Variants in AFF1 observed in about 807,000 individuals in gnomAD.
The protein encoded by AFF1 is ALF transcription elongation factor 1, also known as AF4/FMR2 family member 1.
In AFF1, 48 loss-of-function variants were observed where a neutral mutation model predicts 121.7. The ratio of observed to expected loss-of-function variants is 0.39; its 90% CI spans 0.31 to 0.50. The LOEUF (loss-of-function observed/expected upper bound fraction) is 0.50. AFF1 is among the 20% of genes least tolerant of loss of function. The probability of loss-of-function intolerance (pLI) is 0.76; values close to 1 mark genes in which losing one functional copy is unlikely to be tolerated. For synonymous variants in AFF1, 613 were observed against 563.0 expected (o/e 1.09, Z -1.26); for missense variants, 1,523 against 1,511.7 (o/e 1.01, Z -0.12).
At chr4:86,970,166 A>T (rs890194186) in intron 2 of AFF1, among the ~76,000 whole-genome samples, 1 of 152,026 alleles carries the variant, frequency 6.6e-6, no homozygotes, top group African/African-American at 2.4e-5. Context: ...TTTTCCCATA[A>T]TGTGCATATA....
intron 4 of AFF1, among the ~76,000 whole-genome samples, chr4:87,070,277 G>C (rs9992235): frequency 0.83 from 126,272 of 152,208 alleles, 52,655 homozygotes; most frequent in African/African-American, 0.92. Context: ...GCTGGGAGTA[G>C]AGGCGTGAGC....
intron 1 of AFF1, among the ~76,000 whole-genome samples, chr4:86,946,686 C>T (rs1225178487): frequency 1.3e-5 from 2 of 152,106 alleles, no homozygotes; most frequent in Non-Finnish European, 2.9e-5. Context: ...ACCCGGCCCA[C>T]TCTCTTTATT....
At position 87,126,153 on chromosome 4, in the gene AFF1, C is replaced by G. The variant is rs61734708; in HGVS notation, c.2628C>G (p.Pro876=). Residue 876 remains proline (P), a synonymous_variant, in exon 14 of 21, where the codon CCC becomes CCG. Transcript: ENST00000395146. ...SSKKEMLPPP[P]VSSSSQKPAK... ...AGAAGGAAATGCTCCCCCCGCCACCCGTGTCCTCGTCCTCCCAGAAGCCAG... is the reference window on the plus strand; with the variant it reads ...AGAAGGAAATGCTCCCCCCGCCACCGGTGTCCTCGTCCTCCCAGAAGCCAG... The G allele has an allele frequency of 1.9e-6, 3 of 1,614,048 alleles. No individual in the cohort carries two copies. Among genetic ancestry groups the G allele is most frequent in the East Asian group, 2.2e-5 (1 of 44,894 alleles).
At position 86,969,860 on chromosome 4, in the gene AFF1, G is replaced by A. The variant is rs1404080044; in HGVS notation, c.38+21289G>A. Reference sequence around the variant, plus strand: ...GCACCACTGCACTCTGGCCTGGGCGGAAGAGCGAGACTCCGTCTCAAAAAA... The same window carrying A: ...GCACCACTGCACTCTGGCCTGGGCGAAAGAGCGAGACTCCGTCTCAAAAAA... On this transcript the variant is annotated intron_variant, in intron 2 of 20. Transcript: ENST00000395146. 9.7e-5 allele frequency among the ~76,000 whole-genome samples: 7 copies of A among 72,354 alleles called. No individual in the cohort carries two copies. The South Asian group carries it at 3.4e-3, about 35-fold the overall frequency. 47.5% of individuals were successfully genotyped at this position (72,354 alleles called of 152,430 possible).
intron 4 of AFF1, among the ~76,000 whole-genome samples, chr4:87,069,816 ATTTTTT>A (rs751029258): frequency 1.6e-5 from 2 of 121,306 alleles, no homozygotes; most frequent in African/African-American, 6.4e-5. Flanking sequence ...ATCACTCAGG[ATTTTTT>A]TTTTTTTTTT....
chr4:86,941,481 A>C (rs897248337), intron 1 of AFF1, among the ~76,000 whole-genome samples: 5 of 152,150 alleles, frequency 3.3e-5, no homozygotes, highest in Non-Finnish European at 1.5e-5. Context: ...CAACGTGATG[A>C]AACCCCGTCT....
intron 2 of AFF1, among the ~76,000 whole-genome samples, chr4:87,040,691 T>A (rs1266320613): frequency 6.6e-6 from 1 of 151,504 alleles, no homozygotes; most frequent in Non-Finnish European, 1.5e-5. Flanking sequence ...TGCCTCAGCC[T>A]CCGTAGTAGC....
chr4:86,940,457 A>G (rs1033333166), intron 1 of AFF1, among the ~76,000 whole-genome samples: 3 of 152,198 alleles, frequency 2.0e-5, no homozygotes. Context: ...GCTGGAGTGC[A>G]GTGGTGCAAT....
chr4:86,947,827 T>TTG (rs1323387996), intron 1 of AFF1, among the ~76,000 whole-genome samples: 2 of 151,560 alleles, frequency 1.3e-5, no homozygotes, highest in Admixed American at 6.6e-5. Flanking sequence ...TTGTTTTTTT[T>TTG]TTGTTTTGAT....
At chr4:86,997,527 C>G (rs1216473898) in intron 2 of AFF1, among the ~76,000 whole-genome samples, 1 of 151,910 alleles carries the variant, frequency 6.6e-6, no homozygotes, top group Admixed American at 6.6e-5. Flanking sequence ...CTTTGGGAGG[C>G]CGAGGCAGGT....
intron 10 of AFF1, 142 bp downstream of exon 10, chr4:87,105,987 T>A (rs948735756): frequency 9.2e-7 from 1 of 1,090,094 alleles, no homozygotes; most frequent in Non-Finnish European, 1.3e-6. Flanking sequence ...AGTACCTGTT[T>A]AATATTTTGG....
In AFF1 at chr4:87,047,438, C is replaced by T. The variant is rs921182581; in HGVS notation, c.903C>T (p.Val301=). 6.2e-7 allele frequency: 1 copy of T among 1,614,168 alleles called. No homozygotes were observed. The highest frequency in any genetic ancestry group is 2.2e-5 in the East Asian group (1 of 44,890). ...TGCAGCAGAAGCCCACGGCTTATGT[C>T]CGGCCCATGGATGGTCAAGATCAGG... is the stretch of plus-strand genomic sequence containing the variant. The part of the protein sequence containing the change: ...VAMQQKPTAY[V]RPMDGQDQAP... The change falls in exon 4 of 21, where the codon GTC becomes GTT. Residue 301 remains valine, a synonymous_variant. Transcript: ENST00000395146.
At chr4:87,118,069 A>G (rs780625922) in intron 12 of AFF1, among the ~76,000 whole-genome samples, 13 of 152,244 alleles carry the variant, frequency 8.5e-5, no homozygotes, top group Non-Finnish European at 1.3e-4. Flanking sequence ...GCATATAGTC[A>G]GAGGAATAGA....
At chr4:87,087,929 A>G (rs543535757) in intron 5 of AFF1, among the ~76,000 whole-genome samples, 1 of 152,212 alleles carries the variant, frequency 6.6e-6, no homozygotes, top group Non-Finnish European at 1.5e-5. Context: ...AGTAAATAAA[A>G]CAGCAGGAAG....
rs77740217 is a variant in AFF1 at position 86,987,570 on chromosome 4, C to T, written c.38+38999C>T. On this transcript the variant is annotated intron_variant, in intron 2 of 20. Transcript: ENST00000395146. The stretch of plus-strand genomic sequence containing the variant: ...TCAGTAGGTGATAACTGATTAATAC[C>T]CATGTGGAAACCAGAAGCAATAACC... Among the ~76,000 whole-genome samples, 1,126 of 152,210 alleles carry T rather than the reference C, an allele frequency of 7.4e-3. 17 individuals are homozygous for T. The highest frequency in any genetic ancestry group is 0.025 in the African/African-American group (1,059 of 41,532).
At chr4:86,972,443 G>C (rs1377861684) in intron 2 of AFF1, among the ~76,000 whole-genome samples, 1 of 152,068 alleles carries the variant, frequency 6.6e-6, no homozygotes, top group Non-Finnish European at 1.5e-5. Flanking sequence ...GTATAATACA[G>C]ATTTCAAAGA....
chr4:86,947,074 G>A (rs191050743), intron 1 of AFF1, among the ~76,000 whole-genome samples: 2 of 152,180 alleles, frequency 1.3e-5, no homozygotes, highest in African/African-American at 2.4e-5. Flanking sequence ...TAGAGCTAGC[G>A]ATGCAGAGAA....
chr4:87,026,741 G>A (rs1454703007), intron 2 of AFF1, among the ~76,000 whole-genome samples: 1 of 152,178 alleles, frequency 6.6e-6, no homozygotes, highest in Non-Finnish European at 1.5e-5. Context: ...AATAATGGGC[G>A]AAGGGAGATT....
At chr4:87,004,966 G>T (rs1222660477) in intron 2 of AFF1, among the ~76,000 whole-genome samples, 1 of 152,102 alleles carries the variant, frequency 6.6e-6, no homozygotes, top group African/African-American at 2.4e-5. Flanking sequence ...AAATCAGTTG[G>T]TCTGTTTTGC....
Sources: allele counts gnomAD v4.1 joint callset (sites outside exome capture counted in the v4.1 genomes callset), GRCh38; gene constraint gnomAD v4.1.1; transcripts MANE v1.5; gene names NCBI Gene and HGNC (gene_info 2026-07-23, HGNC 2026-07-21).